PNPLA7: variants seen among roughly 807,000 people sequenced by gnomAD.
The protein encoded by PNPLA7 is patatin-like phospholipase domain-containing protein 7.
PNPLA7 carries 153 observed loss-of-function variants against 161.7 expected under a neutral mutation model. The ratio of observed to expected loss-of-function variants is 0.95; its 90% CI spans 0.83 to 1.08. PNPLA7 has a LOEUF of 1.08. Among genes scored for constraint, PNPLA7 ranks in the 50% least tolerant of loss-of-function variants. The pLI, the probability that PNPLA7 is intolerant of heterozygous loss-of-function variation, is 0.00. For missense variants in PNPLA7, 1,739 were observed against 1,856.6 expected (o/e 0.94, Z 1.16); for synonymous variants, 809 against 782.1 (o/e 1.03, Z -0.57).
chr9:137,536,051 G>A (rs553286815), intron 8 of PNPLA7, among the ~76,000 whole-genome samples: 12 of 151,646 alleles, frequency 7.9e-5, no homozygotes, highest in African/African-American at 2.7e-4. Context: ...TACTCAGGAG[G>A]CTGAGGCAGG....
intron 20 of PNPLA7, among the ~76,000 whole-genome samples, chr9:137,491,162 G>T (rs996507733): frequency 6.7e-6 from 1 of 150,072 alleles, no homozygotes; most frequent in Non-Finnish European, 1.5e-5. Context: ...AGGAGGCTGA[G>T]GGGGGGGGAA....
chr9:137,484,496 G>A (rs911417098), intron 21 of PNPLA7, 91 bp downstream of exon 21: 38 of 1,385,422 alleles, frequency 2.7e-5, no homozygotes, highest in East Asian at 7.6e-5. Flanking sequence ...ACCCACCGCC[G>A]CGTCCCCTCG....
chr9:137,519,603 G>A (rs1834879888), intron 11 of PNPLA7, among the ~76,000 whole-genome samples: 1 of 152,088 alleles, frequency 6.6e-6, no homozygotes, highest in South Asian at 2.1e-4. Flanking sequence ...CAGCCCGCAT[G>A]TGAGGAGATG....
chr9:137,504,017 A>C, intron 14 of PNPLA7, among the ~76,000 whole-genome samples: 1 of 147,996 alleles, frequency 6.8e-6, no homozygotes. Flanking sequence ...AAGAAGGAAG[A>C]AGAAGAAGGA....
chr9:137,492,508 C>G (rs566328040), intron 20 of PNPLA7, among the ~76,000 whole-genome samples: 1 of 12,584 alleles, frequency 7.9e-5, no homozygotes, highest in Non-Finnish European at 1.3e-4. Context: ...GGGGCATGGG[C>G]GGGTGGGTGG....
At chr9:137,525,608 A>T (rs1835261270) in intron 8 of PNPLA7, among the ~76,000 whole-genome samples, 1 of 152,050 alleles carries the variant, frequency 6.6e-6, no homozygotes, top group African/African-American at 2.4e-5. Flanking sequence ...ACACTTTAAT[A>T]CTTTCACTAA....
rs570487120 is a variant in PNPLA7, at chr9:137,523,869, A to G, written c.748-1012T>C. Among the ~76,000 whole-genome samples, 80 of 152,172 alleles carry G rather than the reference A, an allele frequency of 5.3e-4. No individual in the cohort carries two copies. The highest frequency in any genetic ancestry group is 9.6e-4 in the Non-Finnish European group (65 of 68,014). ...AGGGTCTCGATCTCCTGACCTCGTGATCCGCCCACCTCGGCCTCCCAAAGT... is the reference window on the plus strand; with the variant it reads ...AGGGTCTCGATCTCCTGACCTCGTGGTCCGCCCACCTCGGCCTCCCAAAGT... On this transcript the variant is annotated intron_variant, in intron 8 of 34. Transcript: ENST00000406427. The surrounding 1 kb of genome is among the most constrained non-coding windows in gnomAD (Gnocchi z 4.4).
Position 137,524,750 on chromosome 9 carries a change from T to A in PNPLA7, c.748-1893A>T, listed in dbSNP as rs1263120945. The stretch of plus-strand genomic sequence containing the variant: ...CCAGCAGCGAACGAGTTTCCGTGGA[T>A]GCCCCGTGGAATGAGTTTCCGTGGA... On this transcript the variant is annotated intron_variant, in intron 8 of 34. Coordinates refer to ENST00000406427, the MANE Select transcript of PNPLA7 (RefSeq NM_001098537.3). The surrounding 1 kb of genome is among the most constrained non-coding windows in gnomAD (Gnocchi z 4.4). Among the ~76,000 whole-genome samples the A allele has an allele frequency of 6.6e-6, 1 of 152,152 alleles. No individual in the cohort carries two copies. The highest frequency in any genetic ancestry group is 1.9e-4 in the East Asian group (1 of 5,194).
chr9:137,491,370 G>A (rs1564304848), intron 20 of PNPLA7: 1 of 637,854 alleles, frequency 1.6e-6, no homozygotes, highest in Non-Finnish European at 1.9e-6. Flanking sequence ...ATTACACTAA[G>A]TATCTACAGT....
chr9:137,547,617 A>C lies in PNPLA7; in HGVS notation c.73T>G (p.Trp25Gly). 6.2e-7 allele frequency: 1 copy of C among 1,613,208 alleles called. No homozygotes were observed. Among genetic ancestry groups the C allele is most frequent in the Non-Finnish European group, 8.5e-7 (1 of 1,179,862 alleles). ...LGTALHSWGL[W>G]FTEEGSPSTM... The stretch of plus-strand genomic sequence containing the variant: ...GACGGTGAACCTTCCTCCGTGAACC[A>C]CAGTCCCCAAGAGTGCAGGGCGGTG... The change falls in exon 2 of 35, where the codon TGG becomes GGG. Residue 25 changes from tryptophan (W) to glycine (G), a missense_variant. By Grantham distance (184) the Trp-to-Gly change is radical. Coordinates refer to ENST00000406427, the MANE Select transcript of PNPLA7 (RefSeq NM_001098537.3). This position sits in a 1 kb window ranked among gnomAD's most constrained non-coding sequence, Gnocchi z 4.6.
rs376764306 is a variant in PNPLA7 at position 137,521,639 on chromosome 9, G to A, written c.954C>T (p.Asn318=). The A allele has an allele frequency of 1.9e-4, 302 of 1,612,470 alleles. 1 individual carries two copies. In the South Asian group the frequency reaches 2.3e-3, roughly 12 times the overall value. ...NYLGLTTELF[N]AESQAIPLVS... ...TTGTGAGGTGGTTTTCACTTACAGC[G>A]TTGAAGAGCTCTGTGGTCAGGCCGA... The change falls in exon 10 of 35, where the codon AAC becomes AAT. Residue 318 remains asparagine, a synonymous_variant. Coordinates refer to ENST00000406427, the MANE Select transcript of PNPLA7 (RefSeq NM_001098537.3).
At chr9:137,548,188 G>A (rs2132672359) in intron 1 of PNPLA7, among the ~76,000 whole-genome samples, 1 of 152,308 alleles carries the variant, frequency 6.6e-6, no homozygotes, top group Non-Finnish European at 1.5e-5. Flanking sequence ...GAGAGGGTGA[G>A]GGCAGGATGG....
rs1343223883 is a variant in PNPLA7 at position 137,540,428 on chromosome 9, C to G, written c.747+214G>C. Among the ~76,000 whole-genome samples the G allele has an allele frequency of 6.6e-6, 1 of 152,198 alleles. No individual in the cohort carries two copies. Among genetic ancestry groups the G allele is most frequent in the African/African-American group, 2.4e-5 (1 of 41,444 alleles). ...CAGTCATTTAAGAGACAACCAAAACCGTTAGCCACATGCCCGGCTATTCTT... is the reference window on the plus strand; with the variant it reads ...CAGTCATTTAAGAGACAACCAAAACGGTTAGCCACATGCCCGGCTATTCTT... On this transcript the variant is annotated intron_variant, in intron 8 of 34. Transcript: ENST00000406427. This position sits in a 1 kb window ranked among gnomAD's most constrained non-coding sequence, Gnocchi z 5.1.
At chr9:137,545,929 G>GTCAGACAGCCC (rs1836493116) in intron 4 of PNPLA7, among the ~76,000 whole-genome samples, 1 of 152,070 alleles carries the variant, frequency 6.6e-6, no homozygotes, top group Admixed American at 6.5e-5. Flanking sequence ...CAGGGAAAGG[G>GTCAGACAGCCC]AGTCTCCCTT....
intron 19 of PNPLA7, among the ~76,000 whole-genome samples, 160 bp downstream of exon 19, chr9:137,494,873 C>T (rs1832963102): frequency 6.6e-6 from 1 of 150,756 alleles, no homozygotes; most frequent in Non-Finnish European, 1.5e-5. Flanking sequence ...TCACCTGCTC[C>T]GTGACCTCAT....
At position 137,503,924 on chromosome 9, in the gene PNPLA7, AGAAG is replaced by A. The variant is rs1360612929; in HGVS notation, c.1473+1686_1473+1689del. Among the ~76,000 whole-genome samples the A allele has an allele frequency of 5.6e-5, 6 of 107,760 alleles. No homozygotes were observed. In the East Asian group the frequency reaches 1.4e-3, roughly 26 times the overall value. The allele number at this position is 107,760 out of a possible 152,430, so 70.7% of individuals were successfully genotyped here. On this transcript the variant is annotated intron_variant, in intron 14 of 34. Coordinates refer to ENST00000406427, the MANE Select transcript of PNPLA7 (RefSeq NM_001098537.3). The stretch of plus-strand genomic sequence containing the variant: ...AAGGAAGAAGAAAGAAGAAGGAAGA[AGAAG>A]GAAGAAGAAGAAGGAAGAATGAAGA...
intron 20 of PNPLA7, chr9:137,491,348 C>T (rs561126225): frequency 9.9e-6 from 5 of 506,166 alleles, no homozygotes; most frequent in East Asian, 1.5e-4. Context: ...AAATGGAAGA[C>T]GTAACAGAAT....
chr9:137,529,656 G>GTTTTT (rs542511786), intron 8 of PNPLA7, among the ~76,000 whole-genome samples: 2 of 119,132 alleles, frequency 1.7e-5, no homozygotes, highest in African/African-American at 3.3e-5. Flanking sequence ...TTGAATCTTT[G>GTTTTT]TTTTTTTTTT....
At chr9:137,512,664 G>C (rs1355521340) in intron 12 of PNPLA7, among the ~76,000 whole-genome samples, 3 of 152,234 alleles carry the variant, frequency 2.0e-5, no homozygotes, top group Non-Finnish European at 4.4e-5. Flanking sequence ...AACTGGGCCA[G>C]GTGCTGTGGC....
Sources: allele counts gnomAD v4.1 joint callset (sites outside exome capture counted in the v4.1 genomes callset), GRCh38; gene constraint gnomAD v4.1.1; non-coding constraint Gnocchi (gnomAD v3.1); transcripts MANE v1.5; gene names NCBI Gene and HGNC (gene_info 2026-07-23, HGNC 2026-07-21).